Variants in BCL11A observed in about 807,000 individuals in gnomAD.
The protein encoded by BCL11A is B cell CLL/lymphoma 11A.
Under a neutral mutation model 55.9 loss-of-function variants are expected in BCL11A, and 2 were observed. The observed-to-expected ratio is 0.04, with a 90% CI of 0.01 to 0.11. The LOEUF (loss-of-function observed/expected upper bound fraction) is 0.11, where lower values mean the gene tolerates loss of function less well. BCL11A is among the 10% of genes least tolerant of loss of function. The probability of loss-of-function intolerance (pLI) is 1.00; values close to 1 mark genes in which losing one functional copy is unlikely to be tolerated. For missense variants in BCL11A, 817 were observed against 1,137.1 expected (o/e 0.72, Z 4.05); for synonymous variants, 465 against 473.4 (o/e 0.98, Z 0.23).
chr2:60,493,024 C>A (rs1558640981), intron 2 of BCL11A, among the ~76,000 whole-genome samples: 2 of 152,134 alleles, frequency 1.3e-5, no homozygotes, highest in South Asian at 2.1e-4. Flanking sequence ...AACCACTGAA[C>A]CCCCACCTAC....
At chr2:60,528,798 C>G (rs1669319842) in intron 2 of BCL11A, among the ~76,000 whole-genome samples, 1 of 151,394 alleles carries the variant, frequency 6.6e-6, no homozygotes, top group African/African-American at 2.5e-5. Flanking sequence ...ATCAATGTGT[C>G]AGACACATGG....
intron 3 of BCL11A, 25 bp from the exon 4 acceptor site, chr2:60,462,449 T>A: frequency 6.4e-7 from 1 of 1,569,350 alleles, no homozygotes; most frequent in Non-Finnish European, 8.6e-7. Flanking sequence ...AACACCAACA[T>A]CAATGTTTAA....
Position 60,472,044 on chromosome 2 carries a change from T to C in BCL11A, c.386-3211A>G, listed in dbSNP as rs564030964. On this transcript the variant is annotated intron_variant, in intron 2 of 3. Coordinates refer to ENST00000642384, the MANE Select transcript of BCL11A (RefSeq NM_022893.4). ...GGCCATGAGGCTGTTTTCCCTCCTG[T>C]CCAGGACCCACCTCCTTTAGGACTG... is the stretch of plus-strand genomic sequence containing the variant. Among the ~76,000 whole-genome samples, 15 of 152,292 alleles carry C rather than the reference T, an allele frequency of 9.8e-5. No homozygotes were observed. In the South Asian group the frequency reaches 3.1e-3, roughly 32 times the overall value.
At chr2:60,472,166 G>T (rs949438999) in intron 2 of BCL11A, among the ~76,000 whole-genome samples, 11 of 152,164 alleles carry the variant, frequency 7.2e-5, no homozygotes, top group Admixed American at 4.6e-4. Context: ...TAAGGACAGG[G>T]AACAGGTCCA....
chr2:60,503,008 G>A (rs1419287872), intron 2 of BCL11A, among the ~76,000 whole-genome samples: 1 of 152,190 alleles, frequency 6.6e-6, no homozygotes, highest in Non-Finnish European at 1.5e-5. Flanking sequence ...GGCTGTCTAG[G>A]GGGATGGCTA....
intron 2 of BCL11A, among the ~76,000 whole-genome samples, chr2:60,494,973 A>G (rs935715781): frequency 6.6e-6 from 1 of 152,194 alleles, no homozygotes; most frequent in African/African-American, 2.4e-5. Context: ...ATAGGTGCCT[A>G]TATGTGATGG....
intron 2 of BCL11A, among the ~76,000 whole-genome samples, chr2:60,482,229 C>T (rs1408637753): frequency 1.3e-5 from 2 of 151,664 alleles, no homozygotes; most frequent in Admixed American, 1.3e-4. Flanking sequence ...GTTTCTCTTC[C>T]TCCATTAAAA....
At chr2:60,549,461 C>T (rs2104773387) in intron 1 of BCL11A, among the ~76,000 whole-genome samples, 1 of 152,346 alleles carries the variant, frequency 6.6e-6, no homozygotes, top group Admixed American at 6.5e-5. Context: ...AAAAGCAAAG[C>T]CGGGGGCTAC....
chr2:60,488,528 CAGTGCTACTTATACAATTCACTGGA>C (rs1395024994), intron 2 of BCL11A, among the ~76,000 whole-genome samples: 7 of 152,186 alleles, frequency 4.6e-5, no homozygotes, highest in Non-Finnish European at 8.8e-5. Context: ...ACACAGAACT[CAGTGCTACTTATACAATTCACTGGA>C]AACCCTGTTA....
At chr2:60,531,239 G>T (rs1669444992) in intron 2 of BCL11A, among the ~76,000 whole-genome samples, 1 of 151,540 alleles carries the variant, frequency 6.6e-6, no homozygotes, top group Admixed American at 6.6e-5. Flanking sequence ...CGACGGTCCT[G>T]CACACACAGA....
Position 60,458,442 on chromosome 2 carries a change from C to T in BCL11A, c.*1962G>A, listed in dbSNP as rs1676049661. On this transcript the variant is annotated 3_prime_UTR_variant, in exon 4 of 4. Transcript: ENST00000642384. Reference sequence around the variant, plus strand: ...GTTTTTTAAAAAAAATTTTTCTTAACATTTATATTTAAAAAAGTTTTGTAC... The same window carrying T: ...GTTTTTTAAAAAAAATTTTTCTTAATATTTATATTTAAAAAAGTTTTGTAC... The T allele has an allele frequency of 9.8e-7, 1 of 1,021,238 alleles. No homozygotes were observed. Among genetic ancestry groups the T allele is most frequent in the Non-Finnish European group, 1.2e-6 (1 of 850,188 alleles). 63.3% of individuals were successfully genotyped at this position (1,021,238 alleles called of 1,614,324 possible). A position where few individuals can be genotyped will look rare whatever the true frequency, so the allele number is the denominator to read the frequency against.
intron 2 of BCL11A, among the ~76,000 whole-genome samples, chr2:60,501,213 G>T (rs1573015720): frequency 6.6e-6 from 1 of 152,224 alleles, no homozygotes; most frequent in Non-Finnish European, 1.5e-5. Flanking sequence ...TGATTCAATG[G>T]CAGCCAATTT....
chr2:60,527,220 CTGATTTTCAA>C (rs1311835623), intron 2 of BCL11A: 1 of 152,174 alleles, frequency 6.6e-6, no homozygotes, highest in Non-Finnish European at 1.5e-5. Context: ...CTGATTTTCA[CTGATTTTCAA>C]GGGAAGAGAA....
intron 2 of BCL11A, among the ~76,000 whole-genome samples, chr2:60,505,591 T>C (rs1469910832): frequency 6.6e-6 from 1 of 152,178 alleles, no homozygotes; most frequent in Non-Finnish European, 1.5e-5. Context: ...GCATACCTCC[T>C]TCTCTTTCCT....
In BCL11A at chr2:60,521,007, C is replaced by G. The variant is rs933862321; in HGVS notation, c.385+24964G>C. Among the ~76,000 whole-genome samples, 3 of 151,902 alleles carry G rather than the reference C, an allele frequency of 2.0e-5. No homozygotes were observed. The East Asian group carries it at 5.8e-4, about 29-fold the overall frequency. On this transcript the variant is annotated intron_variant, in intron 2 of 3. Coordinates refer to ENST00000642384, the MANE Select transcript of BCL11A (RefSeq NM_022893.4). The stretch of plus-strand genomic sequence containing the variant: ...AAGTCTGGGAAACTATTTGTCTAAA[C>G]ACTTTTTGGAAAGGGATGAAATGGA...
chr2:60,453,756 C>T (rs544055844), downstream of BCL11A, among the ~76,000 whole-genome samples: 1 of 152,212 alleles, frequency 6.6e-6, no homozygotes, highest in Non-Finnish European at 1.5e-5. Flanking sequence ...GCACAGCCCC[C>T]CTATGGGTTT....
intron 2 of BCL11A, among the ~76,000 whole-genome samples, chr2:60,524,272 A>G: frequency 6.6e-6 from 1 of 152,324 alleles, no homozygotes; most frequent in Middle Eastern, 3.4e-3. Flanking sequence ...AAGAGAGAAC[A>G]TTGGGCTATG....
At chr2:60,490,940 T>TA (rs35262352) in intron 2 of BCL11A, among the ~76,000 whole-genome samples, 82 of 142,774 alleles carry the variant, frequency 5.7e-4, no homozygotes, top group East Asian at 4.2e-3. Flanking sequence ...AACTTTCAGA[T>TA]AAAAAAAAAA....
chr2:60,547,138 A>G (rs1670193196), intron 1 of BCL11A, among the ~76,000 whole-genome samples: 1 of 152,200 alleles, frequency 6.6e-6, no homozygotes, highest in South Asian at 2.1e-4. Context: ...AATGCCTATA[A>G]TATTCTAAAC....
Sources: gnomAD v4.1 joint callset for allele counts (sites outside exome capture counted in the v4.1 genomes callset) on GRCh38, gnomAD v4.1.1 for gene constraint, MANE v1.5 for transcripts, NCBI Gene and HGNC (gene_info 2026-07-23, HGNC 2026-07-21) for gene names.